The following MEGF11 variants were observed in gnomAD, a reference collection of about 807,000 sequenced individuals.
MEGF11 encodes multiple EGF like domains 11.
A neutral mutation model predicts 146.6 loss-of-function variants in MEGF11; 126 were observed. The ratio of observed to expected loss-of-function variants is 0.86; its 90% confidence interval spans 0.74 to 1.00. The LOEUF (loss-of-function observed/expected upper bound fraction) is 1.00. Among genes scored for constraint, MEGF11 ranks in the 50% least tolerant of loss-of-function variants. The pLI is 0.00. For missense variants in MEGF11, 1,509 were observed against 1,521.2 expected (o/e 0.99, Z 0.13); for synonymous variants, 532 against 583.4 (o/e 0.91, Z 1.27).
chr15:66,128,453 A>G, intron 1 of MEGF11, 42 bp from the exon 2 acceptor site: 16 of 1,223,842 alleles, frequency 1.3e-5, no homozygotes, highest in Non-Finnish European at 1.5e-5. Flanking sequence ...TGATCAGACC[A>G]TGTTCCTGGC....
intron 4 of MEGF11, among the ~76,000 whole-genome samples, chr15:66,104,698 G>GAC (rs2086982806): frequency 6.6e-6 from 1 of 152,200 alleles, no homozygotes; most frequent in Non-Finnish European, 1.5e-5. Flanking sequence ...CAGATAAGAA[G>GAC]CTAAGACCCA....
At chr15:65,957,271 G>A (rs2080682412) in intron 10 of MEGF11, among the ~76,000 whole-genome samples, 1 of 152,234 alleles carries the variant, frequency 6.6e-6, no homozygotes, top group South Asian at 2.1e-4. Context: ...AAAATATTGT[G>A]TGCATAAGGA....
chr15:66,022,764 G>C (rs1007450938), intron 5 of MEGF11, among the ~76,000 whole-genome samples: 4 of 151,988 alleles, frequency 2.6e-5, no homozygotes, highest in Admixed American at 2.6e-4. Flanking sequence ...TGGGGTTGGG[G>C]GTGGAGGGTG....
chr15:65,935,684 G>A (rs1464171397), intron 10 of MEGF11, among the ~76,000 whole-genome samples: 1 of 152,154 alleles, frequency 6.6e-6, no homozygotes, highest in African/African-American at 2.4e-5. Flanking sequence ...TTTCTAAAGT[G>A]CACAGCTCTG....
Position 66,253,394 on chromosome 15 carries a change from T to G in MEGF11, c.-9+211A>C, listed in dbSNP as rs554583766. Among the ~76,000 whole-genome samples, 327 of 152,276 alleles carry G rather than the reference T, an allele frequency of 2.1e-3. 1 individual carries two copies. Among genetic ancestry groups the G allele is most frequent in the African/African-American group, 7.3e-3 (302 of 41,570 alleles). On this transcript the variant is annotated intron_variant, in intron 1 of 25. Transcript: ENST00000395614. ...ATCCTGCCGGACCCCCTGGCGCTCC[T>G]GCAAGCCCCGGCATCCACCTACTCC...
chr15:66,053,706 CT>C (rs1307062763), intron 5 of MEGF11, among the ~76,000 whole-genome samples: 3 of 146,382 alleles, frequency 2.0e-5, no homozygotes, highest in Non-Finnish European at 4.5e-5. Flanking sequence ...TCCCCCTCCC[CT>C]GGCACCAATT....
chr15:66,028,682 G>T (rs565578450), intron 5 of MEGF11, among the ~76,000 whole-genome samples: 1 of 152,118 alleles, frequency 6.6e-6, no homozygotes, highest in East Asian at 1.9e-4. Context: ...GTAAATTATG[G>T]TATATAAACC....
At chr15:65,922,112 G>A (rs1596843184) in intron 15 of MEGF11, 6 of 574,348 alleles carry the variant, frequency 1.0e-5, no homozygotes, top group Admixed American at 3.5e-5. Flanking sequence ...TGCTAGCTGC[G>A]AAATCACAGA....
chr15:66,253,227 CA>C, intron 1 of MEGF11, among the ~76,000 whole-genome samples: 1 of 152,272 alleles, frequency 6.6e-6, no homozygotes, highest in Middle Eastern at 3.4e-3. Flanking sequence ...TCCCCAGACT[CA>C]AGGGGGCGGA....
chr15:66,117,745 C>T (rs140178772), intron 4 of MEGF11, among the ~76,000 whole-genome samples: 6 of 152,120 alleles, frequency 3.9e-5, no homozygotes, highest in African/African-American at 1.4e-4. Flanking sequence ...ACATCTACAC[C>T]TGGGTCTCAG....
chr15:66,181,190 A>G (rs1261042426), intron 1 of MEGF11, among the ~76,000 whole-genome samples: 2 of 152,198 alleles, frequency 1.3e-5, no homozygotes, highest in Non-Finnish European at 2.9e-5. Flanking sequence ...CTAAGAATCA[A>G]TGTCTGATTG....
intron 5 of MEGF11, among the ~76,000 whole-genome samples, chr15:66,021,799 G>A (rs1375551456): frequency 1.3e-5 from 2 of 152,212 alleles, no homozygotes; most frequent in Non-Finnish European, 1.5e-5. Flanking sequence ...AGAGCAGGGG[G>A]AACACTGGCA....
Position 65,898,102 on chromosome 15 carries a change from A to C in MEGF11, c.3263-8T>G. The stretch of plus-strand genomic sequence containing the variant: ...CCACACTGACTGTGGGCTCTAAGAA[A>C]TATAGTGAAAAATGAGTTCAGAGAA... On this transcript the variant is annotated splice_polypyrimidine_tract_variant and splice_region_variant and intron_variant, in intron 25 of 25. Coordinates refer to ENST00000395614, the MANE Select transcript of MEGF11 (RefSeq NM_001385028.1). 1 of 1,610,650 alleles carries C rather than the reference A, an allele frequency of 6.2e-7. No homozygotes were observed. The highest frequency in any genetic ancestry group is 1.1e-5 in the South Asian group (1 of 90,600).
intron 5 of MEGF11, among the ~76,000 whole-genome samples, chr15:66,091,608 T>G (rs2086326466): frequency 6.6e-6 from 1 of 152,250 alleles, no homozygotes; most frequent in Non-Finnish European, 1.5e-5. Context: ...CTTGCTCCTT[T>G]GTAAAATGGG....
Position 65,922,417 on chromosome 15 carries a change from C to T in MEGF11, c.1878G>A (p.Val626=). Residue 626 remains valine (V), a synonymous_variant, in exon 15 of 26, where the codon GTG becomes GTA. Transcript: ENST00000395614. ...HGCAQPCPLC[V]HSSRPCHHIS... ...TGTGGTGGCAGGGCCTGCTGCTGTG[C>T]ACGCAGAGGGGGCATGGCTGGGCGC... 1.3e-6 allele frequency: 2 copies of T among 1,592,986 alleles called. No individual in the cohort carries two copies. The highest frequency in any genetic ancestry group is 1.7e-6 in the Non-Finnish European group (2 of 1,170,378).
chr15:66,173,968 T>A (rs2090329003), intron 1 of MEGF11, among the ~76,000 whole-genome samples: 1 of 152,210 alleles, frequency 6.6e-6, no homozygotes, highest in South Asian at 2.1e-4. Context: ...TGCCTTCCTC[T>A]ATAGCCTGAG....
intron 1 of MEGF11, among the ~76,000 whole-genome samples, chr15:66,145,290 G>C: frequency 6.6e-6 from 1 of 152,128 alleles, no homozygotes; most frequent in Non-Finnish European, 1.5e-5. Context: ...TATGCTAATG[G>C]GGAGGAAGCT....
intron 20 of MEGF11, among the ~76,000 whole-genome samples, chr15:65,912,654 G>A (rs1034040482): frequency 1.3e-5 from 2 of 152,174 alleles, no homozygotes; most frequent in Non-Finnish European, 2.9e-5. Context: ...AATACCAGAG[G>A]AATGGCATAG....
intron 1 of MEGF11, among the ~76,000 whole-genome samples, chr15:66,199,076 C>G (rs1240726601): frequency 4.6e-5 from 7 of 152,114 alleles, no homozygotes; most frequent in Admixed American, 2.6e-4. Context: ...GGCTCAGCCC[C>G]TCAACTCTTG....
Sources: allele counts gnomAD v4.1 joint callset (sites outside exome capture counted in the v4.1 genomes callset), GRCh38; gene constraint gnomAD v4.1.1; transcripts MANE v1.5; gene names NCBI Gene and HGNC (gene_info 2026-07-23, HGNC 2026-07-21).